Variants in VCAM1 observed in about 807,000 individuals in gnomAD.
VCAM1 encodes the protein vascular cell adhesion protein 1.
Under a neutral mutation model 63.8 loss-of-function variants are expected in VCAM1, and 41 were observed. That is an observed-to-expected ratio of 0.64 (90% CI 0.50 to 0.83). VCAM1 has a LOEUF of 0.83. VCAM1 is among the 40% of genes least tolerant of loss of function. The probability of loss-of-function intolerance (pLI) is 0.00; values close to 1 mark genes in which losing one functional copy is unlikely to be tolerated. For missense variants in VCAM1, 798 were observed against 875.5 expected (o/e 0.91, Z 1.12); for synonymous variants, 338 against 320.7 (o/e 1.05, Z -0.58).
Position 100,731,506 on chromosome 1 carries a change from C to T in VCAM1, c.1513C>T (p.Leu505Phe), listed in dbSNP as rs1246336283. The change falls in exon 6 of 9, where the codon CTT (leucine) becomes TTT (phenylalanine). Residue 505 changes from leucine (L) to phenylalanine (F), a missense_variant. Physicochemically the swap from Leu to Phe is conservative, Grantham distance 22. Transcript: ENST00000294728. This position sits in a 1 kb window ranked among gnomAD's most constrained non-coding sequence, Gnocchi z 4.2. ...CAAACAAAGGCAGAGTACGCAAACA[C>T]TTTATGTCAATGGTAAGTACATATG... ...EPKQRQSTQT[L>F]YVNVAPRDTT... is the part of the protein sequence containing the mutation. The T allele has an allele frequency of 6.2e-7, 1 of 1,612,696 alleles. No individual in the cohort carries two copies. The highest frequency in any genetic ancestry group is 8.5e-7 in the Non-Finnish European group (1 of 1,179,470).
Position 100,731,055 on chromosome 1 carries a change from T to C in VCAM1, c.1205-143T>C, listed in dbSNP as rs918017211. The C allele has an allele frequency of 6.0e-6, 4 of 670,754 alleles. No individual in the cohort carries two copies. The Admixed American group carries it at 1.0e-4, about 17-fold the overall frequency. 41.6% of individuals were successfully genotyped at this position (670,754 alleles called of 1,614,324 possible). On this transcript the variant is annotated intron_variant, in intron 5 of 8. Transcript: ENST00000294728. This position sits in a 1 kb window ranked among gnomAD's most constrained non-coding sequence, Gnocchi z 4.2. ...ATATCATAAATATGTCATTTATAAA[T>C]ACTGTCATTACTTATATATTGACAG...
At position 100,724,696 on chromosome 1, in the gene VCAM1, C is replaced by T. The variant is rs1405686675; in HGVS notation, c.734C>T (p.Thr245Ile). The change falls in exon 4 of 9, where the codon ACC becomes ATC. Residue 245 changes from threonine (T) to isoleucine (I), a missense_variant. Thr to Ile is a moderately conservative substitution (Grantham distance 89). Coordinates refer to ENST00000294728, the MANE Select transcript of VCAM1 (RefSeq NM_001078.4). ...CAAGAAGGTGGCTCTGTGACCATGA[C>T]CTGTTCCAGCGAGGGTCTACCAGCT... is the stretch of plus-strand genomic sequence containing the variant. ...KLQEGGSVTM[T>I]CSSEGLPAPE... 4.3e-6 allele frequency: 7 copies of T among 1,612,906 alleles called. No individual in the cohort carries two copies. The highest frequency in any genetic ancestry group is 1.1e-5 in the South Asian group (1 of 91,052).
At position 100,731,051 on chromosome 1, in the gene VCAM1, TA is replaced by T; in HGVS notation, c.1205-144del. 1 of 664,710 alleles carries T rather than the reference TA, an allele frequency of 1.5e-6. No homozygotes were observed. The highest frequency in any genetic ancestry group is 2.4e-6 in the Non-Finnish European group (1 of 412,814). The allele number at this position is 664,710 out of a possible 1,614,324, so 41.2% of individuals were successfully genotyped here. ...TATAATATCATAAATATGTCATTTA[TA>T]AATACTGTCATTACTTATATATTGA... On this transcript the variant is annotated intron_variant, in intron 5 of 8. Transcript: ENST00000294728. The surrounding 1 kb of genome is among the most constrained non-coding windows in gnomAD (Gnocchi z 4.2).
intron 8 of VCAM1, chr1:100,736,411 C>T (rs1217122845): frequency 1.3e-5 from 2 of 152,064 alleles, no homozygotes; most frequent in Non-Finnish European, 2.9e-5. Flanking sequence ...TTTGTCTTAG[C>T]TTGAACGTAT....
chr1:100,726,456 A>C (rs1340864613), intron 4 of VCAM1, among the ~76,000 whole-genome samples: 1 of 152,050 alleles, frequency 6.6e-6, no homozygotes, highest in Non-Finnish European at 1.5e-5. Flanking sequence ...CTACCTTTGC[A>C]GATCTGTTGA....
Position 100,727,983 on chromosome 1 carries a change from C to CTGTA in VCAM1, c.929-1123_929-1120dup, listed in dbSNP as rs3917044. Among the ~76,000 whole-genome samples the CTGTA allele has an allele frequency of 6.0e-3, 914 of 152,048 alleles. 8 individuals carry two copies. Among genetic ancestry groups the CTGTA allele is most frequent in the African/African-American group, 0.021 (882 of 41,492 alleles). On this transcript the variant is annotated intron_variant, in intron 4 of 8. Transcript: ENST00000294728. ...GAGATTTCTTTCTTTTACCTTAAGC[C>CTGTA]TGTAATTTACAAGTAAGATTTCAGT... is the stretch of plus-strand genomic sequence containing the variant.
rs189194589 is a variant in VCAM1, at chr1:100,734,476, G to A, written c.1793-26G>A. 2.1e-5 allele frequency: 33 copies of A among 1,594,708 alleles called. No homozygotes were observed. The African/African-American group carries it at 4.2e-4, about 20-fold the overall frequency. On this transcript the variant is annotated intron_variant, in intron 7 of 8. Coordinates refer to ENST00000294728, the MANE Select transcript of VCAM1 (RefSeq NM_001078.4). ...GTTGGTTTATATTTCACTCAATCAG[G>A]GATGTCTTTTAAATTCTCTTTACAG... is the stretch of plus-strand genomic sequence containing the variant.
chr1:100,724,696 C>A lies in VCAM1; in HGVS notation c.734C>A (p.Thr245Asn), dbSNP rs1405686675. ...KLQEGGSVTM[T>N]CSSEGLPAPE... ...CAAGAAGGTGGCTCTGTGACCATGACCTGTTCCAGCGAGGGTCTACCAGCT... is the reference window on the plus strand; with the variant it reads ...CAAGAAGGTGGCTCTGTGACCATGAACTGTTCCAGCGAGGGTCTACCAGCT... Residue 245 changes from threonine (T) to asparagine (N), a missense_variant, in exon 4 of 9, where the codon ACC becomes AAC. Coordinates refer to ENST00000294728, the MANE Select transcript of VCAM1 (RefSeq NM_001078.4). The A allele has an allele frequency of 6.2e-7, 1 of 1,613,024 alleles. No homozygotes were observed. Among genetic ancestry groups the A allele is most frequent in the Admixed American group, 1.7e-5 (1 of 59,850 alleles).
chr1:100,733,810 A>G (rs1660551982), intron 7 of VCAM1, among the ~76,000 whole-genome samples: 1 of 152,228 alleles, frequency 6.6e-6, no homozygotes, highest in African/African-American at 2.4e-5. Context: ...TTTGTACTTC[A>G]AGGAAATTTT....
Position 100,734,646 on chromosome 1 carries a change from TA to T in VCAM1, c.1941del (p.Lys647AsnfsTer3). The T allele has an allele frequency of 6.2e-7, 1 of 1,614,012 alleles. No individual in the cohort carries two copies. Among genetic ancestry groups the T allele is most frequent in the Admixed American group, 1.7e-5 (1 of 59,990 alleles). On this transcript the variant is annotated frameshift_variant, in exon 8 of 9. Coordinates refer to ENST00000294728, the MANE Select transcript of VCAM1 (RefSeq NM_001078.4). LOFTEE classifies it high-confidence loss of function. ...AAAGCGGAGACAGGAGACACAGTAC[TA>T]AAATCTATAGATGGCGCCTATACCA... ...KKKAETGDTV[L>X]KSIDGAYTIR...
intron 5 of VCAM1, 102 bp downstream of exon 5, chr1:100,729,484 A>C (rs1660352803): frequency 1.4e-6 from 2 of 1,396,400 alleles, no homozygotes; most frequent in Non-Finnish European, 1.9e-6. Flanking sequence ...ATGTTTAGAA[A>C]AGGAATTTAG....
At position 100,729,378 on chromosome 1, in the gene VCAM1, C is replaced by T. The variant is rs267597894; in HGVS notation, c.1200C>T (p.Leu400=). 4 of 1,579,162 alleles carry T rather than the reference C, an allele frequency of 2.5e-6. No homozygotes were observed. The East Asian group carries it at 6.9e-5, about 27-fold the overall frequency. The part of the protein sequence containing the change: ...KKLEKGIQVE[L]YSFPRDPEIE... ...TGGAAAAGGGAATCCAGGTGGAGCT[C>T]TACTGTAAGTGGTTTTCAGAATTGT... The change falls in exon 5 of 9, where the codon CTC becomes CTT. Residue 400 remains leucine (L), a synonymous_variant. Coordinates refer to ENST00000294728, the MANE Select transcript of VCAM1 (RefSeq NM_001078.4).
At chr1:100,727,187 T>A (rs1248794992) in intron 4 of VCAM1, among the ~76,000 whole-genome samples, 1 of 151,918 alleles carries the variant, frequency 6.6e-6, no homozygotes, top group Non-Finnish European at 1.5e-5. Flanking sequence ...TTTTGTTTGT[T>A]TTAGGAAATG....
At chr1:100,726,635 T>C (rs576865050) in intron 4 of VCAM1, among the ~76,000 whole-genome samples, 4 of 152,152 alleles carry the variant, frequency 2.6e-5, no homozygotes, top group South Asian at 2.1e-4. Context: ...CACTCAACAC[T>C]CCTTATAGTC....
intron 4 of VCAM1, among the ~76,000 whole-genome samples, chr1:100,726,866 A>T (rs1011558625): frequency 6.6e-6 from 1 of 152,086 alleles, no homozygotes; most frequent in African/African-American, 2.4e-5. Context: ...TTTCCACTAA[A>T]CTGTAAATTC....
At chr1:100,721,219 T>C (rs1446040197) in intron 2 of VCAM1, among the ~76,000 whole-genome samples, 1 of 152,234 alleles carries the variant, frequency 6.6e-6, no homozygotes, top group East Asian at 1.9e-4. Context: ...TAATATGTAT[T>C]AGTATAAAAG....
At chr1:100,726,053 C>T (rs977689946) in intron 4 of VCAM1, among the ~76,000 whole-genome samples, 2 of 152,052 alleles carry the variant, frequency 1.3e-5, no homozygotes, top group African/African-American at 2.4e-5. Flanking sequence ...TCTCCTTGTT[C>T]CCTTCCACTC....
chr1:100,722,413 T>C (rs1419930218), intron 2 of VCAM1, among the ~76,000 whole-genome samples: 1 of 152,104 alleles, frequency 6.6e-6, no homozygotes, highest in Non-Finnish European at 1.5e-5. Flanking sequence ...TTTCTTAGAA[T>C]ATCTTGACAA....
chr1:100,719,746 T>A lies in VCAM1; in HGVS notation c.-115T>A. 1.1e-6 allele frequency: 1 copy of A among 950,086 alleles called. No homozygotes were observed. Among genetic ancestry groups the A allele is most frequent in the Non-Finnish European group, 1.6e-6 (1 of 633,672 alleles). The allele number at this position is 950,086 out of a possible 1,614,324, so 58.9% of individuals were successfully genotyped here. On this transcript the variant is annotated 5_prime_UTR_variant, in exon 1 of 9. Coordinates refer to ENST00000294728, the MANE Select transcript of VCAM1 (RefSeq NM_001078.4). ...ACAGACTTTCTATTTCACTCCGCGG[T>A]ATCTGCATCGGGCCTCACTGGCTTC...
Sources: gnomAD v4.1 joint callset for allele counts (sites outside exome capture counted in the v4.1 genomes callset) on GRCh38, gnomAD v4.1.1 for gene constraint, Gnocchi (gnomAD v3.1) non-coding constraint, MANE v1.5 for transcripts, NCBI Gene and HGNC (gene_info 2026-07-23, HGNC 2026-07-21) for gene names.